PSTPIP1: variants seen among roughly 807,000 people sequenced by gnomAD.
The protein encoded by PSTPIP1 is proline-serine-threonine phosphatase-interacting protein 1.
A neutral mutation model predicts 69.6 loss-of-function variants in PSTPIP1; 66 were observed. The ratio of observed to expected loss-of-function variants is 0.95; its 90% confidence interval spans 0.78 to 1.16. The LOEUF is 1.16. Among genes scored for constraint, PSTPIP1 ranks in the 50% most tolerant of loss-of-function variants. The pLI is 0.00. For missense variants in PSTPIP1, 603 were observed against 557.4 expected, an observed-to-expected ratio of 1.08 and a Z score of -0.82; for synonymous variants, 266 against 222.7, an observed-to-expected ratio of 1.19 and a Z score of -1.73.
chr15:76,998,667 A>G (rs927565241), intron 1 of PSTPIP1, among the ~76,000 whole-genome samples: 2 of 152,348 alleles, frequency 1.3e-5, no homozygotes, highest in East Asian at 3.9e-4. Context: ...ATTGCAAGGA[A>G]GGAGACAGAA....
Position 77,037,370 on chromosome 15 carries a change from T to G in PSTPIP1, c.*194T>G. On this transcript the variant is annotated 3_prime_UTR_variant, in exon 15 of 15. Transcript: ENST00000558012. ...GGGTCCCGTTCTCTTTTTCTCCTGC[T>G]CCAGTGTCCGAGTGCTCAGTTCAGA... is the stretch of plus-strand genomic sequence containing the variant. 1.5e-6 allele frequency: 1 copy of G among 676,372 alleles called. No homozygotes were observed. Among genetic ancestry groups the G allele is most frequent in the Non-Finnish European group, 2.3e-6 (1 of 432,770 alleles). The allele number at this position is 676,372 out of a possible 1,614,324, so 41.9% of individuals were successfully genotyped here.
intron 14 of PSTPIP1, 48 bp downstream of exon 14, chr15:77,035,983 T>A: frequency 6.5e-7 from 1 of 1,533,632 alleles, no homozygotes; most frequent in Non-Finnish European, 8.8e-7. Flanking sequence ...CCCCTGCACC[T>A]GAGAGCTCCC....
At chr15:77,019,170 G>C (rs932639321) in intron 3 of PSTPIP1, among the ~76,000 whole-genome samples, 4 of 152,210 alleles carry the variant, frequency 2.6e-5, no homozygotes, top group African/African-American at 9.6e-5. Flanking sequence ...CACGCAGACT[G>C]CTGGGGTGGG....
intron 1 of PSTPIP1, among the ~76,000 whole-genome samples, chr15:77,012,774 G>C (rs2152674436): frequency 6.6e-6 from 1 of 152,324 alleles, no homozygotes; most frequent in Middle Eastern, 3.4e-3. Flanking sequence ...AGTGTGACTG[G>C]CTTCTTTAAA....
At chr15:77,004,748 T>A (rs1231310896) in intron 1 of PSTPIP1, among the ~76,000 whole-genome samples, 1 of 151,586 alleles carries the variant, frequency 6.6e-6, no homozygotes, top group Non-Finnish European at 1.5e-5. Flanking sequence ...TAGTCTCAGC[T>A]ACTTGGGAAG....
Position 77,027,374 on chromosome 15 carries a change from T to G in PSTPIP1, c.355-478T>G, listed in dbSNP as rs1414791694. 6.6e-6 allele frequency among the ~76,000 whole-genome samples: 1 copy of G among 151,698 alleles called. No homozygotes were observed. The highest frequency in any genetic ancestry group is 2.4e-5 in the African/African-American group (1 of 41,220). ...GGTTGTGTGTGGGTGACTGTGGGAG[T>G]GTGTACTTGTGAGTGGCATCTGTGG... On this transcript the variant is annotated intron_variant, in intron 5 of 14. Coordinates refer to ENST00000558012, the MANE Select transcript of PSTPIP1 (RefSeq NM_003978.5). The surrounding 1 kb of genome is among the most constrained non-coding windows in gnomAD (Gnocchi z 4.3).
chr15:77,003,262 A>G (rs551011442), intron 1 of PSTPIP1, among the ~76,000 whole-genome samples: 1 of 152,294 alleles, frequency 6.6e-6, no homozygotes, highest in East Asian at 1.9e-4. Flanking sequence ...GTGGAAACCA[A>G]GACTGCCTCT....
rs139726858 is a variant in PSTPIP1 at position 77,036,109 on chromosome 15, C to T, written c.1119+174C>T. ...GAGTGTGTCCACACTAGCAAGGGTA[C>T]CTGGGAGTGTGCTTGGATGTGAGCT... On this transcript the variant is annotated intron_variant, in intron 14 of 14. Transcript: ENST00000558012. 1.9e-3 allele frequency among the ~76,000 whole-genome samples: 285 copies of T among 152,290 alleles called. 1 individual carries two copies. Among genetic ancestry groups the T allele is most frequent in the African/African-American group, 6.7e-3 (279 of 41,570 alleles).
Position 77,018,198 on chromosome 15 carries a change from T to C in PSTPIP1, c.87T>C (p.Leu29=). 1.9e-6 allele frequency: 3 copies of C among 1,590,584 alleles called. No individual in the cohort carries two copies. The highest frequency in any genetic ancestry group is 2.6e-6 in the Non-Finnish European group (3 of 1,169,536). Reference sequence around the variant, plus strand: ...GCTACGAGGTGCTGCTGCAGCGGCTTCTGGATGGCAGGAAGATGTGCAAAG... The same window carrying C: ...GCTACGAGGTGCTGCTGCAGCGGCTCCTGGATGGCAGGAAGATGTGCAAAG... ...HTGYEVLLQR[L]LDGRKMCKDM... Residue 29 remains leucine (L), a synonymous_variant, in exon 2 of 15, where the codon CTT becomes CTC. Transcript: ENST00000558012.
At chr15:76,995,060 AG>A (rs1204752441), upstream of PSTPIP1, 19 of 1,186,474 alleles carry the variant, frequency 1.6e-5, no homozygotes, top group Admixed American at 5.5e-4. Context: ...GGGGCTGCAC[AG>A]GGGAGCACAG....
At chr15:77,031,042 G>A (rs2076402943) in intron 9 of PSTPIP1, 138 bp from the exon 10 acceptor site, 2 of 804,248 alleles carry the variant, frequency 2.5e-6, no homozygotes, top group Non-Finnish European at 4.0e-6. Context: ...GGGGACCCCA[G>A]GGCACTCTCT....
At chr15:77,020,679 C>G (rs2076141203) in intron 3 of PSTPIP1, among the ~76,000 whole-genome samples, 1 of 152,184 alleles carries the variant, frequency 6.6e-6, no homozygotes, top group Non-Finnish European at 1.5e-5. Flanking sequence ...CCTTCTCCTT[C>G]CTAGTCCTTT....
chr15:77,035,071 C>T (rs1399049934), intron 12 of PSTPIP1, among the ~76,000 whole-genome samples: 1 of 152,226 alleles, frequency 6.6e-6, no homozygotes, highest in East Asian at 1.9e-4. Flanking sequence ...CACCCCCCAC[C>T]CCTACCCATG....
chr15:76,995,601 G>A lies in PSTPIP1; in HGVS notation c.28G>A (p.Ala10Thr). The change falls in exon 1 of 15, where the codon GCC becomes ACC. Residue 10 changes from alanine (A) to threonine (T), a missense_variant. Transcript: ENST00000558012. ...GATGCCCCAGCTGCAGTTCAAAGATGCCTTTTGGGTGAGTGAGGATGGTTG... is the reference window on the plus strand; with the variant it reads ...GATGCCCCAGCTGCAGTTCAAAGATACCTTTTGGGTGAGTGAGGATGGTTG... The part of the protein sequence containing the change: MMPQLQFKD[A>T]FWCRDFTAHT... 1 of 1,613,746 alleles carries A rather than the reference G, an allele frequency of 6.2e-7. No individual in the cohort carries two copies. Among genetic ancestry groups the A allele is most frequent in the Non-Finnish European group, 8.5e-7 (1 of 1,179,908 alleles).
At position 77,031,271 on chromosome 15, in the gene PSTPIP1, A is replaced by G; in HGVS notation, c.734A>G (p.Asp245Gly). ...SNQLSMQCVK[D>G]DELYEEVRLT... is the part of the protein sequence containing the mutation. The stretch of plus-strand genomic sequence containing the variant: ...CAGCTCTCCATGCAGTGTGTCAAGG[A>G]TGATGAGGTGGGGGCTGAGGGCCTT... The change falls in exon 10 of 15, where the codon GAT becomes GGT. Residue 245 changes from aspartate to glycine, a missense_variant. Coordinates refer to ENST00000558012, the MANE Select transcript of PSTPIP1 (RefSeq NM_003978.5). The G allele has an allele frequency of 6.2e-7, 1 of 1,612,702 alleles. No individual in the cohort carries two copies. Among genetic ancestry groups the G allele is most frequent in the Admixed American group, 1.7e-5 (1 of 60,010 alleles).
chr15:77,018,709 G>A (rs140453624), intron 3 of PSTPIP1, among the ~76,000 whole-genome samples, 178 bp downstream of exon 3: 1 of 152,302 alleles, frequency 6.6e-6, no homozygotes, highest in African/African-American at 2.4e-5. Context: ...CTGTGAGGGA[G>A]GAAGCCCGAG....
intron 11 of PSTPIP1, 173 bp from the exon 12 acceptor site, chr15:77,032,689 A>G: frequency 3.1e-6 from 2 of 643,250 alleles, no homozygotes; most frequent in Non-Finnish European, 5.4e-6. Flanking sequence ...GGTCCAGAAT[A>G]TTAGGTCTTG....
chr15:77,012,762 C>A (rs923777974), intron 1 of PSTPIP1, among the ~76,000 whole-genome samples: 4 of 152,198 alleles, frequency 2.6e-5, no homozygotes, highest in African/African-American at 4.8e-5. Context: ...GTAGAGGGGA[C>A]CAGTGTGACT....
chr15:77,001,729 G>T (rs570820056), intron 1 of PSTPIP1, among the ~76,000 whole-genome samples: 6 of 152,210 alleles, frequency 3.9e-5, no homozygotes, highest in Non-Finnish European at 7.3e-5. Context: ...GCCTGGCAGT[G>T]CACCTGGTCG....
Sources: allele counts gnomAD v4.1 joint callset (sites outside exome capture counted in the v4.1 genomes callset), GRCh38; gene constraint gnomAD v4.1.1; non-coding constraint Gnocchi (gnomAD v3.1); transcripts MANE v1.5; gene names NCBI Gene and HGNC (gene_info 2026-07-23, HGNC 2026-07-21).